Variants in SLC26A4 observed in about 807,000 individuals in gnomAD.
SLC26A4 encodes pendrin.
In SLC26A4, 93 loss-of-function variants were observed where a neutral mutation model predicts 90.4. The observed-to-expected ratio is 1.03, with a 90% CI of 0.87 to 1.22. The LOEUF is 1.22. Ranked by LOEUF, SLC26A4 falls within the 50% of genes most tolerant of loss-of-function variation. The pLI is 0.00. For synonymous variants in SLC26A4, 393 were observed against 354.6 expected, an observed-to-expected ratio of 1.11 and a Z score of -1.22; for missense variants, 1,127 against 946.2, an observed-to-expected ratio of 1.19 and a Z score of -2.51.
At chr7:107,693,743 C>T (rs1584329032) in intron 10 of SLC26A4, 4 of 993,484 alleles carry the variant, frequency 4.0e-6, no homozygotes, top group Non-Finnish European at 4.8e-6. Flanking sequence ...TGCCCCGTTA[C>T]TCCATAGTCA....
At chr7:107,669,974 T>C (rs1372099878) in intron 3 of SLC26A4, among the ~76,000 whole-genome samples, 2 of 152,212 alleles carry the variant, frequency 1.3e-5, no homozygotes, top group Non-Finnish European at 1.5e-5. Flanking sequence ...AAGAGTATAC[T>C]GAGAGTTTCC....
intron 10 of SLC26A4, among the ~76,000 whole-genome samples, chr7:107,693,858 C>T (rs1022300168): frequency 3.3e-5 from 5 of 152,102 alleles, no homozygotes; most frequent in Admixed American, 1.3e-4. Context: ...TGTGGCATTT[C>T]GAATTTGCAA....
intron 4 of SLC26A4, 31 bp from the exon 5 acceptor site, chr7:107,674,133 T>G (rs767327380): frequency 1.2e-6 from 2 of 1,600,048 alleles, no homozygotes; most frequent in African/African-American, 2.7e-5. Context: ...GATTAATAAC[T>G]GATTAATTGT....
In SLC26A4 at chr7:107,674,281, C is replaced by CTGCAGCTAGAGA. The variant is rs1790956480; in HGVS notation, c.535_546dup (p.Ala179_Asp182dup). 5 of 1,613,892 alleles carry CTGCAGCTAGAGA rather than the reference C, an allele frequency of 3.1e-6. No individual in the cohort carries two copies. Among genetic ancestry groups the CTGCAGCTAGAGA allele is most frequent in the Non-Finnish European group, 4.2e-6 (5 of 1,179,786 alleles). The stretch of plus-strand genomic sequence containing the variant: ...GTATTAAATACTACTATGATAGACA[C>CTGCAGCTAGAGA]TGCAGCTAGAGATACAGCTAGAGTC... On this transcript the variant is annotated inframe_insertion, in exon 5 of 21. Transcript: ENST00000644269.
At chr7:107,683,584 C>T (rs1019219473) in intron 8 of SLC26A4, 47 bp downstream of exon 8, 3 of 1,443,276 alleles carry the variant, frequency 2.1e-6, no homozygotes, top group South Asian at 2.3e-5. Flanking sequence ...GTCAGTAAGT[C>T]AGTCTTTTTT....
At chr7:107,670,171 G>T (rs186454981) in intron 3 of SLC26A4, among the ~76,000 whole-genome samples, 1 of 149,744 alleles carries the variant, frequency 6.7e-6, no homozygotes, top group African/African-American at 2.5e-5. Context: ...ATGCAGTGGC[G>T]CAATCTCGGC....
rs1481765326 is a variant in SLC26A4, at chr7:107,674,229, T to A, written c.481T>A (p.Phe161Ile). 12 of 1,614,066 alleles carry A rather than the reference T, an allele frequency of 7.4e-6. No individual in the cohort carries two copies. The highest frequency in any genetic ancestry group is 1.7e-5 in the Admixed American group (1 of 60,002). The change falls in exon 5 of 21, where the codon TTT (phenylalanine) becomes ATT (isoleucine). Residue 161 changes from phenylalanine (F) to isoleucine (I), a missense_variant. Transcript: ENST00000644269. ...VVLSMAPDEH[F>I]LVSSSNGTVL... ...TCTGAGCATGGCCCCCGACGAACAC[T>A]TTCTCGTATCCAGCAGCAATGGAAC...
At chr7:107,671,118 T>TGTGCAAAA (rs1790854540) in intron 3 of SLC26A4, among the ~76,000 whole-genome samples, 1 of 152,210 alleles carries the variant, frequency 6.6e-6, no homozygotes, top group South Asian at 2.1e-4. Flanking sequence ...CACAACTGCC[T>TGTGCAAAA]CTGTGCAAAA....
chr7:107,699,767 A>G (rs890764539), intron 14 of SLC26A4, among the ~76,000 whole-genome samples: 1 of 152,068 alleles, frequency 6.6e-6, no homozygotes, highest in African/African-American at 2.4e-5. Context: ...TGTCTCTACT[A>G]AAAATGGAAA....
chr7:107,713,897 G>GTAT (rs1055597775), intron 20 of SLC26A4, among the ~76,000 whole-genome samples: 4 of 127,002 alleles, frequency 3.1e-5, no homozygotes, highest in Admixed American at 7.8e-5. Context: ...ACATAATTTT[G>GTAT]TATTATTATT....
chr7:107,681,165 G>C (rs979070269), intron 6 of SLC26A4, among the ~76,000 whole-genome samples: 1 of 152,142 alleles, frequency 6.6e-6, no homozygotes, highest in Non-Finnish European at 1.5e-5. Context: ...CTGAAAACCA[G>C]ACAAAGTGAA....
At chr7:107,667,046 C>G (rs575857279) in intron 3 of SLC26A4, among the ~76,000 whole-genome samples, 2 of 152,044 alleles carry the variant, frequency 1.3e-5, no homozygotes, top group African/African-American at 4.8e-5. Context: ...CTTGAGCAAC[C>G]GGATAGATCA....
chr7:107,683,283 A>G lies in SLC26A4; in HGVS notation c.847A>G (p.Met283Val), dbSNP rs778402904. 5 of 1,613,490 alleles carry G rather than the reference A, an allele frequency of 3.1e-6. No homozygotes were observed. The highest frequency in any genetic ancestry group is 4.2e-6 in the Non-Finnish European group (5 of 1,179,644). ...TGGATTGCTCACCATTGTCGTCTGTATGGCAGTTAAGGAATTAAATGATCG... is the reference window on the plus strand; with the variant it reads ...TGGATTGCTCACCATTGTCGTCTGTGTGGCAGTTAAGGAATTAAATGATCG... ...TAGLLTIVVC[M>V]AVKELNDRFR... The change falls in exon 7 of 21, where the codon ATG (methionine) becomes GTG (valine). Residue 283 changes from methionine to valine, a missense_variant. By Grantham distance (21) the Met-to-Val change is conservative. Coordinates refer to ENST00000644269, the MANE Select transcript of SLC26A4 (RefSeq NM_000441.2).
In SLC26A4 at chr7:107,694,708, A is replaced by G. The variant is rs1464839269; in HGVS notation, c.1429A>G (p.Ile477Val). Residue 477 changes from isoleucine (I) to valine (V), a missense_variant, in exon 12 of 21, where the codon ATT (isoleucine) becomes GTT (valine). Physicochemically the swap from Ile to Val is conservative, Grantham distance 29 (BLOSUM62 3). Transcript: ENST00000644269. ...TCCTCGTCTGTGGAGACAGAATAAG[A>G]TTGATGCTGTAAGTCACCTACCACC... ...DIPRLWRQNK[I>V]DAVIWVFTCI... 1.9e-6 allele frequency: 3 copies of G among 1,605,160 alleles called. No homozygotes were observed. The African/African-American group carries it at 4.0e-5, about 21-fold the overall frequency.
chr7:107,704,653 C>G (rs959352503), intron 18 of SLC26A4, among the ~76,000 whole-genome samples: 1 of 152,116 alleles, frequency 6.6e-6, no homozygotes, highest in Admixed American at 6.5e-5. Context: ...TTAGTCCATT[C>G]AAAGTTACTT....
chr7:107,671,226 G>A (rs1374729954), intron 3 of SLC26A4, among the ~76,000 whole-genome samples: 5 of 152,084 alleles, frequency 3.3e-5, no homozygotes, highest in Admixed American at 6.6e-5. Context: ...GCAGTGGCAC[G>A]ATCATAGCTT....
At chr7:107,685,468 A>G (rs574116516) in intron 8 of SLC26A4, among the ~76,000 whole-genome samples, 36 of 152,318 alleles carry the variant, frequency 2.4e-4, no homozygotes, top group South Asian at 2.3e-3. Flanking sequence ...TCAATCCTCC[A>G]TTAAGGCTGC....
intron 18 of SLC26A4, among the ~76,000 whole-genome samples, chr7:107,708,407 T>A (rs1792087088): frequency 6.6e-6 from 1 of 152,218 alleles, no homozygotes; most frequent in African/African-American, 2.4e-5. Context: ...TACTCTCTTT[T>A]CAATTTTCTT....
intron 9 of SLC26A4, 113 bp downstream of exon 9, chr7:107,689,313 C>T: frequency 9.0e-7 from 1 of 1,107,992 alleles, no homozygotes; most frequent in Non-Finnish European, 1.4e-6. Context: ...TTCACCAGAC[C>T]TTATTGGGTT....
Sources: allele counts gnomAD v4.1 joint callset (sites outside exome capture counted in the v4.1 genomes callset), GRCh38; gene constraint gnomAD v4.1.1; transcripts MANE v1.5; gene names NCBI Gene and HGNC (gene_info 2026-07-23, HGNC 2026-07-21).